The following SEMA5A variants were observed in gnomAD, a reference collection of about 807,000 sequenced individuals.
SEMA5A encodes semaphorin 5A.
A neutral mutation model predicts 135.5 loss-of-function variants in SEMA5A; 55 were observed. That is an observed-to-expected ratio of 0.41 (90% CI 0.33 to 0.51). The LOEUF (loss-of-function observed/expected upper bound fraction) is 0.51. Among genes scored for constraint, SEMA5A ranks in the 20% least tolerant of loss-of-function variants. The probability of loss-of-function intolerance (pLI) is 0.37; values close to 1 mark genes in which losing one functional copy is unlikely to be tolerated. For missense variants in SEMA5A, 1,290 were observed against 1,419.9 expected, an observed-to-expected ratio of 0.91 and a Z score of 1.47; for synonymous variants, 580 against 546.5, an observed-to-expected ratio of 1.06 and a Z score of -0.85.
intron 3 of SEMA5A, among the ~76,000 whole-genome samples, chr5:9,353,320 AAGGAAAG>A (rs1754280857): frequency 2.5e-4 from 9 of 36,300 alleles, no homozygotes; most frequent in East Asian, 9.3e-4. Context: ...AAGGGAAAGG[AAGGAAAG>A]GAAAGGAAAT....
intron 3 of SEMA5A, among the ~76,000 whole-genome samples, chr5:9,357,866 T>G (rs1001046272): frequency 6.6e-6 from 1 of 152,236 alleles, no homozygotes; most frequent in African/African-American, 2.4e-5. Context: ...ACAGTATGGA[T>G]GAATAACTAT....
intron 12 of SEMA5A, among the ~76,000 whole-genome samples, chr5:9,142,074 T>C (rs1047457836): frequency 6.6e-6 from 1 of 152,218 alleles, no homozygotes; most frequent in African/African-American, 2.4e-5. Flanking sequence ...ACAGACACTG[T>C]CACTGAGCTC....
chr5:9,303,684 A>G (rs948173353), intron 5 of SEMA5A, among the ~76,000 whole-genome samples: 2 of 152,210 alleles, frequency 1.3e-5, no homozygotes, highest in Non-Finnish European at 2.9e-5. Context: ...TGCCAAATAT[A>G]TATGTACAGA....
At chr5:9,321,727 T>C (rs1752634624) in intron 4 of SEMA5A, among the ~76,000 whole-genome samples, 1 of 152,206 alleles carries the variant, frequency 6.6e-6, no homozygotes, top group Non-Finnish European at 1.5e-5. Context: ...TTCAACCCAC[T>C]GGCAATTTTA....
At chr5:9,128,472 T>G (rs939802512) in intron 13 of SEMA5A, among the ~76,000 whole-genome samples, 5 of 152,202 alleles carry the variant, frequency 3.3e-5, no homozygotes, top group Non-Finnish European at 4.4e-5. Flanking sequence ...TTGGCAATCC[T>G]ACTGCCATCT....
chr5:9,242,101 G>C lies in SEMA5A; in HGVS notation c.271-4211C>G, dbSNP rs527407974. 2.3e-4 allele frequency among the ~76,000 whole-genome samples: 35 copies of C among 152,316 alleles called. No individual in the cohort carries two copies. The South Asian group carries it at 7.3e-3, about 32-fold the overall frequency. On this transcript the variant is annotated intron_variant, in intron 5 of 22. Coordinates refer to ENST00000382496, the MANE Select transcript of SEMA5A (RefSeq NM_003966.3). Reference sequence around the variant, plus strand: ...TGTATTCTGCGATGCGCTGGGAAATGTTACATTGCCATGGCAATTATAAAC... The same window carrying C: ...TGTATTCTGCGATGCGCTGGGAAATCTTACATTGCCATGGCAATTATAAAC...
chr5:9,153,767 C>T (rs1742768177), intron 12 of SEMA5A, among the ~76,000 whole-genome samples: 1 of 151,836 alleles, frequency 6.6e-6, no homozygotes, highest in Non-Finnish European at 1.5e-5. Flanking sequence ...AGCTTGAGGC[C>T]AGGTGCAGTA....
intron 1 of SEMA5A, among the ~76,000 whole-genome samples, chr5:9,520,174 C>G (rs1355786816): frequency 6.6e-6 from 1 of 152,202 alleles, no homozygotes; most frequent in Non-Finnish European, 1.5e-5. Flanking sequence ...GTGCTGTGAC[C>G]TTTCCTCCTA....
At chr5:9,084,554 T>C (rs932195573) in intron 16 of SEMA5A, among the ~76,000 whole-genome samples, 7 of 152,226 alleles carry the variant, frequency 4.6e-5, no homozygotes, top group African/African-American at 7.2e-5. Context: ...TTTCCCTGCA[T>C]GAGCCCTCTT....
chr5:9,241,699 G>T (rs188436919), intron 5 of SEMA5A, among the ~76,000 whole-genome samples: 2 of 152,046 alleles, frequency 1.3e-5, no homozygotes, highest in South Asian at 2.1e-4. Flanking sequence ...GACATACTAC[G>T]GTTAGGATAA....
At chr5:9,137,188 G>GCAGATACA (rs1205857124) in intron 12 of SEMA5A, among the ~76,000 whole-genome samples, 1 of 152,142 alleles carries the variant, frequency 6.6e-6, no homozygotes, top group Admixed American at 6.5e-5. Context: ...CCAACAACAT[G>GCAGATACA]CAGATACATC....
chr5:9,233,373 A>G (rs1747735962), intron 6 of SEMA5A, among the ~76,000 whole-genome samples: 1 of 152,224 alleles, frequency 6.6e-6, no homozygotes, highest in African/African-American at 2.4e-5. Context: ...GTAGTTATAG[A>G]ATTCAGTTTC....
chr5:9,348,940 A>G (rs905439147), intron 3 of SEMA5A, among the ~76,000 whole-genome samples: 1 of 152,244 alleles, frequency 6.6e-6, no homozygotes, highest in Non-Finnish European at 1.5e-5. Flanking sequence ...GCTTTAAGAC[A>G]ATAAATCATT....
At chr5:9,196,783 G>C (rs2074608) in intron 10 of SEMA5A, among the ~76,000 whole-genome samples, 19,811 of 152,202 alleles carry the variant, frequency 0.13, 2,232 homozygotes, top group East Asian at 0.29. Context: ...TCCTGTTTGT[G>C]TGTCTCTGCT....
intron 14 of SEMA5A, 40 bp downstream of exon 14, chr5:9,122,616 A>T: frequency 6.9e-7 from 1 of 1,453,824 alleles, no homozygotes; most frequent in Non-Finnish European, 9.2e-7. Flanking sequence ...ATCTGAGTTT[A>T]ATACACAGCA....
chr5:9,344,711 G>A (rs562713500), intron 3 of SEMA5A, among the ~76,000 whole-genome samples: 1 of 152,212 alleles, frequency 6.6e-6, no homozygotes, highest in Non-Finnish European at 1.5e-5. Flanking sequence ...ACTCCAAAAT[G>A]TACAGATATG....
At chr5:9,296,631 G>T (rs1301923218) in intron 5 of SEMA5A, among the ~76,000 whole-genome samples, 1 of 152,130 alleles carries the variant, frequency 6.6e-6, no homozygotes, top group East Asian at 1.9e-4. Context: ...TTGGTTACCT[G>T]TTATTCTCTA....
rs1735990049 is a variant in SEMA5A at position 9,041,999 on chromosome 5, G to T, written c.*898C>A. On this transcript the variant is annotated 3_prime_UTR_variant, in exon 23 of 23. Coordinates refer to ENST00000382496, the MANE Select transcript of SEMA5A (RefSeq NM_003966.3). ...TCATAAATGTTCAAGATTTTTCTTT[G>T]CAGGGAGAGAGAAGGCATGGAGTCT... The T allele has an allele frequency of 6.6e-6, 1 of 152,192 alleles. No homozygotes were observed. Among genetic ancestry groups the T allele is most frequent in the African/African-American group, 2.4e-5 (1 of 41,386 alleles). The allele number at this position is 152,192 out of a possible 1,614,324, so 9.4% of individuals were successfully genotyped here. A position where few individuals can be genotyped will look rare whatever the true frequency, so the allele number is the denominator to read the frequency against.
At chr5:9,316,698 C>G (rs945455240) in intron 5 of SEMA5A, among the ~76,000 whole-genome samples, 2 of 151,866 alleles carry the variant, frequency 1.3e-5, no homozygotes, top group African/African-American at 4.8e-5. Flanking sequence ...TGATAGTGTA[C>G]AACATGTCAC....
Sources: gnomAD v4.1 joint callset for allele counts (sites outside exome capture counted in the v4.1 genomes callset) on GRCh38, gnomAD v4.1.1 for gene constraint, MANE v1.5 for transcripts, NCBI Gene and HGNC (gene_info 2026-07-23, HGNC 2026-07-21) for gene names.